Variants in ANO4 observed in about 807,000 individuals in gnomAD.
ANO4 encodes anoctamin 4, also known as anoctamin-4.
A neutral mutation model predicts 141.9 loss-of-function variants in ANO4; 69 were observed. That is an observed-to-expected ratio of 0.49 (90% CI 0.40 to 0.59). The LOEUF (loss-of-function observed/expected upper bound fraction) is 0.59. ANO4 is among the 20% of genes least tolerant of loss of function. ANO4 has a pLI of 0.00. For synonymous variants in ANO4, 350 were observed against 394.3 expected (o/e 0.89, Z 1.33); for missense variants, 894 against 1,162.2 (o/e 0.77, Z 3.36).
Position 100,943,973 on chromosome 12 carries a change from C to G in ANO4, c.456+1438C>G, listed in dbSNP as rs182496842. On this transcript the variant is annotated intron_variant, in intron 5 of 27. Transcript: ENST00000392977. ...TACTTAATCTAAAATAATGGAAGTC[C>G]TCCCTCTGACCCATTCTGACTCTGT... Among the ~76,000 whole-genome samples the G allele has an allele frequency of 4.2e-3, 639 of 152,174 alleles. 6 individuals are homozygous for G. The highest frequency in any genetic ancestry group is 0.015 in the African/African-American group (615 of 41,530).
At chr12:100,887,561 A>G (rs2039898469) in intron 1 of ANO4, among the ~76,000 whole-genome samples, 1 of 151,140 alleles carries the variant, frequency 6.6e-6, no homozygotes. Flanking sequence ...TATTGATGTC[A>G]TGTCCTCCTG....
intron 1 of ANO4, among the ~76,000 whole-genome samples, chr12:100,821,598 A>G (rs910650929): frequency 1.3e-5 from 2 of 151,956 alleles, no homozygotes; most frequent in East Asian, 3.9e-4. Context: ...TTATCACAAT[A>G]TATATGATTT....
intron 1 of ANO4, among the ~76,000 whole-genome samples, chr12:100,880,575 A>T (rs1407897404): frequency 1.3e-5 from 2 of 152,204 alleles, no homozygotes; most frequent in Non-Finnish European, 2.9e-5. Flanking sequence ...ACAATAATAC[A>T]ATCACAAGGA....
chr12:100,902,116 C>T (rs537344855), intron 2 of ANO4, among the ~76,000 whole-genome samples: 63 of 152,204 alleles, frequency 4.1e-4, no homozygotes, highest in Admixed American at 7.2e-4. Context: ...TTGCTCAGTT[C>T]AGGAAAGCTC....
At chr12:100,899,681 G>T (rs11110580) in intron 1 of ANO4, among the ~76,000 whole-genome samples, 25,098 of 152,190 alleles carry the variant, frequency 0.16, 2,450 homozygotes, top group Middle Eastern at 0.29. Flanking sequence ...AATTTAAGGT[G>T]ACCCTTCTTA....
At chr12:101,010,177 T>C (rs1018040588) in intron 8 of ANO4, among the ~76,000 whole-genome samples, 2 of 152,210 alleles carry the variant, frequency 1.3e-5, no homozygotes, top group African/African-American at 2.4e-5. Flanking sequence ...CTTACTGTTA[T>C]TTAAACATAC....
chr12:100,811,557 A>T (rs2035437932), intron 1 of ANO4, among the ~76,000 whole-genome samples: 1 of 152,150 alleles, frequency 6.6e-6, no homozygotes, highest in African/African-American at 2.4e-5. Flanking sequence ...TGCAAAATTG[A>T]TGTTGGAAAC....
At chr12:100,946,280 T>A (rs1454016381) in intron 5 of ANO4, among the ~76,000 whole-genome samples, 1 of 152,178 alleles carries the variant, frequency 6.6e-6, no homozygotes, top group East Asian at 1.9e-4. Context: ...CTGGAGAGAT[T>A]TGAGCAGAAA....
intron 1 of ANO4, among the ~76,000 whole-genome samples, chr12:100,873,630 T>C (rs757702459): frequency 6.6e-6 from 1 of 152,160 alleles, no homozygotes; most frequent in Non-Finnish European, 1.5e-5. Flanking sequence ...CCCATATTTA[T>C]ATTTGTGAGC....
intron 5 of ANO4, among the ~76,000 whole-genome samples, chr12:100,947,722 TA>T (rs1174955315): frequency 6.6e-6 from 1 of 152,180 alleles, no homozygotes; most frequent in African/African-American, 2.4e-5. Flanking sequence ...TCACATTTAT[TA>T]ATCACTTACT....
intron 8 of ANO4, among the ~76,000 whole-genome samples, chr12:100,989,870 A>AGATGGATG (rs569415039): frequency 7.3e-6 from 1 of 136,926 alleles, no homozygotes; most frequent in African/African-American, 2.8e-5. Context: ...ATAGGTCACC[A>AGATGGATG]GATGGATGGA....
Position 100,811,944 on chromosome 12 carries a change from A to G in ANO4, c.-141+16917A>G, listed in dbSNP as rs74635282. Among the ~76,000 whole-genome samples, 1,098 of 152,272 alleles carry G rather than the reference A, an allele frequency of 7.2e-3. 29 individuals carry two copies. Among genetic ancestry groups the G allele is most frequent in the Admixed American group, 0.053 (804 of 15,294 alleles). ...ACTGGCCCCTGTTTTGTATAACCTT[A>G]TACAGACTTATGTCATAGTGCTAAT... On this transcript the variant is annotated intron_variant, in intron 1 of 27. Transcript: ENST00000392977.
At chr12:100,817,499 C>G (rs986422434) in intron 1 of ANO4, among the ~76,000 whole-genome samples, 1 of 151,784 alleles carries the variant, frequency 6.6e-6, no homozygotes, top group Non-Finnish European at 1.5e-5. Flanking sequence ...AGCCATTTAT[C>G]TAAAAAAATA....
At chr12:101,116,644 A>C (rs1451490847) in intron 24 of ANO4, 35 bp from the exon 25 acceptor site, 1 of 1,614,034 alleles carries the variant, frequency 6.2e-7, no homozygotes, top group Non-Finnish European at 8.5e-7. Flanking sequence ...GAAGGTGATG[A>C]GTGTTCTAAT....
At chr12:100,826,473 A>G (rs2036348350) in intron 1 of ANO4, among the ~76,000 whole-genome samples, 1 of 151,982 alleles carries the variant, frequency 6.6e-6, no homozygotes, top group South Asian at 2.1e-4. Flanking sequence ...TATTATTTCT[A>G]GCACCTTCTG....
At chr12:100,726,172 AT>A (rs1252221641) in intron 1 of ANO4, among the ~76,000 whole-genome samples, 1 of 151,910 alleles carries the variant, frequency 6.6e-6, no homozygotes, top group Non-Finnish European at 1.5e-5. Context: ...TTTTGTGATA[AT>A]TTTCACTGAG....
intron 1 of ANO4, among the ~76,000 whole-genome samples, chr12:100,825,169 A>T (rs1381310277): frequency 6.6e-6 from 1 of 152,068 alleles, no homozygotes; most frequent in Non-Finnish European, 1.5e-5. Context: ...TCTTTTACTT[A>T]AGGAATCTGA....
At chr12:100,957,879 A>AT (rs561202738) in intron 5 of ANO4, among the ~76,000 whole-genome samples, 3 of 151,898 alleles carry the variant, frequency 2.0e-5, no homozygotes, top group East Asian at 3.9e-4. Context: ...ATTTTTATAT[A>AT]TTTTTTTTAG....
At chr12:101,048,149 T>C (rs1322774019) in intron 13 of ANO4, 192 bp from the exon 14 acceptor site, 8 of 1,040,538 alleles carry the variant, frequency 7.7e-6, no homozygotes, top group Non-Finnish European at 1.1e-5. Flanking sequence ...TTGTATCCTC[T>C]ATATATGAAC....
Sources: gnomAD v4.1 joint callset for allele counts (sites outside exome capture counted in the v4.1 genomes callset) on GRCh38, gnomAD v4.1.1 for gene constraint, MANE v1.5 for transcripts, NCBI Gene and HGNC (gene_info 2026-07-23, HGNC 2026-07-21) for gene names.